Variants in LRRK1 observed in about 807,000 individuals in gnomAD.
LRRK1 encodes the protein leucine rich repeat kinase 1, also known as leucine-rich repeat serine/threonine-protein kinase 1.
A neutral mutation model predicts 209.1 loss-of-function variants in LRRK1; 113 were observed. The observed-to-expected ratio is 0.54, with a 90% CI of 0.46 to 0.63. The LOEUF (loss-of-function observed/expected upper bound fraction) is 0.63, where lower values mean the gene tolerates loss of function less well. LRRK1 is among the 30% of genes least tolerant of loss of function. LRRK1 has a pLI of 0.00. For missense variants in LRRK1, 2,284 were observed against 2,632.2 expected (o/e 0.87, Z 2.89); for synonymous variants, 1,144 against 1,099.7 (o/e 1.04, Z -0.80).
chr15:101,039,837 T>C (rs2034662985), intron 20 of LRRK1, among the ~76,000 whole-genome samples: 1 of 152,224 alleles, frequency 6.6e-6, no homozygotes, highest in African/African-American at 2.4e-5. Context: ...TCTGCCTCTG[T>C]TAATTTTTTT....
chr15:101,046,449 G>A (rs2035080437), intron 21 of LRRK1, among the ~76,000 whole-genome samples: 1 of 152,192 alleles, frequency 6.6e-6, no homozygotes, highest in South Asian at 2.1e-4. Context: ...ACACAGTTTG[G>A]TGGCCCCACC....
intron 2 of LRRK1, among the ~76,000 whole-genome samples, chr15:100,939,907 C>T (rs2042369811): frequency 6.6e-6 from 1 of 152,110 alleles, no homozygotes; most frequent in African/African-American, 2.4e-5. Context: ...TCATTATGAA[C>T]TCATGAATTT....
Position 101,068,729 on chromosome 15 carries a change from G to C in LRRK1, c.5929G>C (p.Glu1977Gln). The part of the protein sequence containing the change: ...KDTVVCTFEN[E>Q]NTEWCLAVWR... ...CACTGTTGTGTGCACCTTTGAAAATGAAAACACAGAGTGGTGCCTGGCCGT... is the reference window on the plus strand; with the variant it reads ...CACTGTTGTGTGCACCTTTGAAAATCAAAACACAGAGTGGTGCCTGGCCGT... Residue 1977 changes from glutamate to glutamine, a missense_variant, in exon 34 of 34, where the codon GAA (glutamate) becomes CAA (glutamine). Coordinates refer to ENST00000388948, the MANE Select transcript of LRRK1 (RefSeq NM_024652.6). 1 of 1,613,738 alleles carries C rather than the reference G, an allele frequency of 6.2e-7. No homozygotes were observed. Among genetic ancestry groups the C allele is most frequent in the Non-Finnish European group, 8.5e-7 (1 of 1,179,778 alleles).
At chr15:101,014,289 T>A (rs2033424506) in intron 10 of LRRK1, 27 bp from the exon 11 acceptor site, 1 of 1,518,730 alleles carries the variant, frequency 6.6e-7, no homozygotes, top group South Asian at 1.1e-5. Context: ...CTATCTTAGC[T>A]TCTCTCTCCC....
At chr15:100,991,276 T>G (rs2032144961) in intron 6 of LRRK1, among the ~76,000 whole-genome samples, 1 of 152,232 alleles carries the variant, frequency 6.6e-6, no homozygotes, top group African/African-American at 2.4e-5. Flanking sequence ...GCAAGTTTTC[T>G]GTTCATTAGT....
intron 3 of LRRK1, among the ~76,000 whole-genome samples, chr15:100,982,322 G>A (rs1394469000): frequency 6.6e-6 from 1 of 152,206 alleles, no homozygotes; most frequent in East Asian, 1.9e-4. Flanking sequence ...TTTCAGAAAC[G>A]CAATCAAACA....
At chr15:101,008,308 T>A (rs2033067954) in intron 6 of LRRK1, among the ~76,000 whole-genome samples, 1 of 152,110 alleles carries the variant, frequency 6.6e-6, no homozygotes, top group South Asian at 2.1e-4. Context: ...CCATCGTCTG[T>A]CTGTATCTCA....
chr15:100,959,970 T>C (rs2411997), intron 2 of LRRK1, among the ~76,000 whole-genome samples: 107,116 of 152,002 alleles, frequency 0.7, 38,077 homozygotes, highest in Middle Eastern at 0.76. Context: ...TTCCTTGCAC[T>C]CATTTTTGTT....
Position 101,065,812 on chromosome 15 carries a change from T to G in LRRK1, c.5375T>G (p.Leu1792Trp). Reference sequence around the variant, plus strand: ...AGGGACATGTTTCCCGTGCGGCCCTTGGACACGGAACCCCCGGCAGCCAGC... The same window carrying G: ...AGGGACATGTTTCCCGTGCGGCCCTGGGACACGGAACCCCCGGCAGCCAGC... ...PLRDMFPVRPLDTEPPAASHT... is the reference protein window; with the variant it reads ...PLRDMFPVRPWDTEPPAASHT... Residue 1792 changes from leucine (L) to tryptophan (W), a missense_variant, in exon 32 of 34, where the codon TTG becomes TGG. Leu to Trp is a moderately conservative substitution (Grantham distance 61). This residue lies in a region of LRRK1 where 643 missense variants were observed against 695.9 expected (regional missense o/e 0.92). Transcript: ENST00000388948. 6.2e-7 allele frequency: 1 copy of G among 1,614,054 alleles called. No individual in the cohort carries two copies. The highest frequency in any genetic ancestry group is 8.5e-7 in the Non-Finnish European group (1 of 1,180,004).
intron 20 of LRRK1, among the ~76,000 whole-genome samples, chr15:101,042,461 G>T (rs2054126): frequency 0.31 from 46,646 of 151,798 alleles, 8,732 homozygotes; most frequent in South Asian, 0.43. Context: ...CCAGCCACCT[G>T]CTCTGCTGCA....
At position 101,058,085 on chromosome 15, in the gene LRRK1, C is replaced by T; in HGVS notation, c.4623C>T (p.Phe1541=). The T allele has an allele frequency of 6.2e-7, 1 of 1,614,206 alleles. No homozygotes were observed. Among genetic ancestry groups the T allele is most frequent in the Non-Finnish European group, 8.5e-7 (1 of 1,180,032 alleles). The change falls in exon 29 of 34, where the codon TTC becomes TTT. Residue 1541 remains phenylalanine, a synonymous_variant. Transcript: ENST00000388948. The stretch of plus-strand genomic sequence containing the variant: ...GCTGTGGGAAGCAGACAGCCTTCTT[C>T]TCATCCCAGGGCCAGGAGTACACCG... ...ELCCGKQTAF[F]SSQGQEYTVV... is the part of the protein sequence containing the mutation.
At chr15:101,028,906 T>A in intron 19 of LRRK1, 50 bp from the exon 20 acceptor site, 1 of 1,592,132 alleles carries the variant, frequency 6.3e-7, no homozygotes, top group Non-Finnish European at 8.6e-7. Flanking sequence ...CCAGAGTCCC[T>A]TTCGCTCCTT....
chr15:101,046,727 G>C (rs1596317990), intron 21 of LRRK1, among the ~76,000 whole-genome samples: 1 of 152,190 alleles, frequency 6.6e-6, no homozygotes, highest in African/African-American at 2.4e-5. Context: ...TCCCAGGCGA[G>C]TCCCCTGTGC....
At chr15:100,983,944 A>T (rs1047393017) in intron 4 of LRRK1, 21 of 599,262 alleles carry the variant, frequency 3.5e-5, no homozygotes, top group Middle Eastern at 3.0e-4. Flanking sequence ...ATTGCTTTTT[A>T]AAAAAATAAT....
Position 101,024,662 on chromosome 15 carries a change from A to T in LRRK1, c.2068-141A>T, listed in dbSNP as rs757610552. 1.3e-5 allele frequency: 12 copies of T among 894,646 alleles called. No homozygotes were observed. The highest frequency in any genetic ancestry group is 2.1e-5 in the Non-Finnish European group (12 of 584,362). The allele number at this position is 894,646 out of a possible 1,614,324, so 55.4% of individuals were successfully genotyped here. ...CCCAGATAACTGTTTCCTAAGAAAC[A>T]ATAGAGTGTCCAGAACTTTTCCACG... On this transcript the variant is annotated intron_variant, in intron 15 of 33. Coordinates refer to ENST00000388948, the MANE Select transcript of LRRK1 (RefSeq NM_024652.6). The surrounding 1 kb of genome is among the most constrained non-coding windows in gnomAD (Gnocchi z 4.6).
At chr15:101,032,806 A>G (rs2034339966) in intron 20 of LRRK1, among the ~76,000 whole-genome samples, 2 of 152,322 alleles carry the variant, frequency 1.3e-5, no homozygotes, top group East Asian at 3.9e-4. Context: ...AAAATCAGTG[A>G]TGTGGGTTTA....
At chr15:101,016,192 C>T (rs1040827329) in intron 12 of LRRK1, among the ~76,000 whole-genome samples, 1 of 152,102 alleles carries the variant, frequency 6.6e-6, no homozygotes, top group African/African-American at 2.4e-5. Context: ...CTGTGCCCGG[C>T]CCCTCTTCCT....
At chr15:101,046,599 G>A (rs1238413631) in intron 21 of LRRK1, among the ~76,000 whole-genome samples, 2 of 152,176 alleles carry the variant, frequency 1.3e-5, no homozygotes, top group East Asian at 1.9e-4. Flanking sequence ...CTGGCTGCAC[G>A]CTAGACTCGC....
chr15:100,926,551 G>A (rs183703997), intron 2 of LRRK1, among the ~76,000 whole-genome samples: 1 of 150,680 alleles, frequency 6.6e-6, no homozygotes, highest in African/African-American at 2.4e-5. Context: ...GGCTCAAACC[G>A]GCAGGGCCCT....
Sources: allele counts gnomAD v4.1 joint callset (sites outside exome capture counted in the v4.1 genomes callset), GRCh38; gene constraint gnomAD v4.1.1; regional missense constraint gnomAD v4.1.1; non-coding constraint Gnocchi (gnomAD v3.1); transcripts MANE v1.5; gene names NCBI Gene and HGNC (gene_info 2026-07-23, HGNC 2026-07-21).